Variants in TMPRSS9 observed in about 807,000 individuals in gnomAD.
The protein encoded by TMPRSS9 is transmembrane serine protease 9.
In TMPRSS9, 113 loss-of-function variants were observed where a neutral mutation model predicts 111.4. The ratio of observed to expected loss-of-function variants is 1.01; its 90% CI spans 0.87 to 1.19. The LOEUF is 1.19. Among genes scored for constraint, TMPRSS9 ranks in the 50% most tolerant of loss-of-function variants. The probability of loss-of-function intolerance (pLI) is 0.00; values close to 1 mark genes in which losing one functional copy is unlikely to be tolerated. For synonymous variants in TMPRSS9, 805 were observed against 659.1 expected (o/e 1.22, Z -3.39); for missense variants, 1,803 against 1,513.1 (o/e 1.19, Z -3.18).
intron 1 of TMPRSS9, among the ~76,000 whole-genome samples, chr19:2,395,561 T>TAAAA (rs1970688218): frequency 6.6e-6 from 1 of 151,988 alleles, no homozygotes; most frequent in Non-Finnish European, 1.5e-5. Context: ...ACCCCATCTG[T>TAAAA]ACTAGCTGGG....
chr19:2,406,041 C>T (rs1305680314), intron 7 of TMPRSS9, among the ~76,000 whole-genome samples: 15 of 129,644 alleles, frequency 1.2e-4, no homozygotes, highest in East Asian at 4.7e-4. Flanking sequence ...GATGGAGTCT[C>T]GCTCTGTCAC....
At chr19:2,396,604 A>G in exon 2 of TMPRSS9, 4 of 1,611,828 alleles carry the variant, frequency 2.5e-6, no homozygotes, top group Non-Finnish European at 3.4e-6. Context: ...CCGGTGGACC[A>G]GCAGTTTGCG....
chr19:2,364,528 G>A (rs938653492), intron 1 of TMPRSS9, among the ~76,000 whole-genome samples: 9 of 151,958 alleles, frequency 5.9e-5, no homozygotes, highest in South Asian at 2.1e-4. Context: ...GATTACAGGC[G>A]GGAGCCACGG....
intron 1 of TMPRSS9, among the ~76,000 whole-genome samples, chr19:2,394,597 T>TTA (rs1324853817): frequency 8.0e-5 from 1 of 12,556 alleles, no homozygotes. Context: ...GTGCTCGTGT[T>TTA]TCTTTAGTTT....
In TMPRSS9 at chr19:2,418,252, C is replaced by T. The variant is rs939984030; in HGVS notation, c.2154+114C>T. 1.7e-5 allele frequency: 18 copies of T among 1,086,294 alleles called. No homozygotes were observed. The African/African-American group carries it at 3.5e-4, about 21-fold the overall frequency. The allele number at this position is 1,086,294 out of a possible 1,614,324, so 67.3% of individuals were successfully genotyped here. ...TTTTTTCCTTTCTTTCCTTCCCCCC[C>T]TCCTTCCCTCCTTGTCCTTCCCTCC... On this transcript the variant is annotated intron_variant, in intron 13 of 17. Transcript: ENST00000648592.
chr19:2,425,971 G>GT lies in TMPRSS9; in HGVS notation c.3166dup (p.Trp1056LeufsTer8). 6.2e-7 allele frequency: 1 copy of GT among 1,607,260 alleles called. No homozygotes were observed. Among genetic ancestry groups the GT allele is most frequent in the Non-Finnish European group, 8.5e-7 (1 of 1,177,870 alleles). ...TGGCCTGCAGGGAGCCCTCTGGACG[G>GT]TGGGTGCTAACTGGGGTCACTAGCT... On this transcript the variant is annotated frameshift_variant, in exon 18 of 18. Transcript: ENST00000648592. LOFTEE classifies it low-confidence loss of function (END_TRUNC).
chr19:2,379,655 T>TTCTTTCTTTCTTTCTTTCTTTCTTTCTC (rs1568170832), intron 1 of TMPRSS9, among the ~76,000 whole-genome samples: 1 of 149,698 alleles, frequency 6.7e-6, no homozygotes, highest in Admixed American at 6.7e-5. Flanking sequence ...CTTTCTTTCT[T>TTCTTTCTTTCTTTCTTTCTTTCTTTCTC]TCTTTCTTTC....
chr19:2,378,913 T>G (rs1350850197), intron 1 of TMPRSS9, among the ~76,000 whole-genome samples: 1 of 151,960 alleles, frequency 6.6e-6, no homozygotes, highest in East Asian at 1.9e-4. Flanking sequence ...TATAAAACCA[T>G]AAGATCTTGT....
upstream of TMPRSS9, among the ~76,000 whole-genome samples, chr19:2,389,482 G>A (rs918866651): frequency 4.7e-5 from 7 of 150,148 alleles, no homozygotes; most frequent in African/African-American, 1.2e-4. Flanking sequence ...CGATTCTCCT[G>A]CCTCAGCCTC....
At chr19:2,422,156 C>T in exon 14 of TMPRSS9, 3 of 1,587,066 alleles carry the variant, frequency 1.9e-6, no homozygotes, top group African/African-American at 1.3e-5. Flanking sequence ...GCCAACCTGC[C>T]AACTCAACCT....
At chr19:2,413,530 G>T (rs189276995) in intron 9 of TMPRSS9, among the ~76,000 whole-genome samples, 170 bp from the exon 11 acceptor site, 121 of 152,278 alleles carry the variant, frequency 7.9e-4, no homozygotes, top group Non-Finnish European at 1.4e-3. Context: ...TTCCTCCACA[G>T]AAGAGGAAAC....
chr19:2,379,276 C>G (rs1426894568), intron 1 of TMPRSS9, among the ~76,000 whole-genome samples: 1 of 150,924 alleles, frequency 6.6e-6, no homozygotes, highest in Non-Finnish European at 1.5e-5. Flanking sequence ...AGCTCCACCT[C>G]CCAGGTTCAT....
chr19:2,396,772 A>C, intron 2 of TMPRSS9, 106 bp downstream of exon 3: 1 of 1,445,852 alleles, frequency 6.9e-7, no homozygotes, highest in South Asian at 1.4e-5. Context: ...CAGGCAACGA[A>C]GCTGAGGTGG....
intron 14 of TMPRSS9, 63 bp from the exon 16 acceptor site, chr19:2,424,025 CA>C (rs1730647998): frequency 8.0e-7 from 1 of 1,244,362 alleles, no homozygotes; most frequent in African/African-American, 1.6e-5. Context: ...AGGCGGCGCC[CA>C]GGGGGGCCTT....
chr19:2,402,078 C>A, intron 5 of TMPRSS9, 62 bp downstream of exon 6: 1 of 1,529,536 alleles, frequency 6.5e-7, no homozygotes, highest in South Asian at 1.1e-5. Flanking sequence ...TCCTAAGACT[C>A]ATTTCAAGGA....
chr19:2,424,940 A>ACACCG (rs1971571373), intron 15 of TMPRSS9, 62 bp from the exon 17 acceptor site: 1 of 1,383,320 alleles, frequency 7.2e-7, no homozygotes, highest in South Asian at 1.6e-5. Flanking sequence ...GGGGGACACC[A>ACACCG]CAGGGGCGGG....
exon 8 of TMPRSS9, chr19:2,408,470 C>T (rs368841376): frequency 3.5e-5 from 57 of 1,613,820 alleles, no homozygotes; most frequent in South Asian, 3.3e-5. Context: ...CCCTGTACAA[C>T]GCGGACACGG....
intron 15 of TMPRSS9, 78 bp downstream of exon 16, chr19:2,424,335 C>T: frequency 7.9e-7 from 1 of 1,263,140 alleles, no homozygotes; most frequent in Non-Finnish European, 1.0e-6. Flanking sequence ...GAAAACGCAC[C>T]CTGACCCCCT....
At chr19:2,382,077 G>A (rs1970392120) in intron 1 of TMPRSS9, among the ~76,000 whole-genome samples, 1 of 152,114 alleles carries the variant, frequency 6.6e-6, no homozygotes. Context: ...CTGACCTCAG[G>A]TGATCCACTT....
Sources: gnomAD v4.1 joint callset for allele counts (sites outside exome capture counted in the v4.1 genomes callset) on GRCh38, gnomAD v4.1.1 for gene constraint, MANE v1.5 for transcripts, NCBI Gene and HGNC (gene_info 2026-07-23, HGNC 2026-07-21) for gene names.